Variants in ADAMTS17 observed in about 807,000 individuals in gnomAD.
The protein encoded by ADAMTS17 is ADAM metallopeptidase with thrombospondin type 1 motif 17.
A neutral mutation model predicts 141.5 loss-of-function variants in ADAMTS17; 113 were observed. The ratio of observed to expected loss-of-function variants is 0.80; its 90% CI spans 0.69 to 0.93. The LOEUF is 0.93. Among genes scored for constraint, ADAMTS17 ranks in the 40% least tolerant of loss-of-function variants. The pLI is 0.00. For synonymous variants in ADAMTS17, 768 were observed against 630.6 expected (o/e 1.22, Z -3.27); for missense variants, 1,659 against 1,517.9 (o/e 1.09, Z -1.54).
chr15:100,291,571 G>T (rs775729502), intron 3 of ADAMTS17, among the ~76,000 whole-genome samples: 1 of 151,992 alleles, frequency 6.6e-6, no homozygotes, highest in Non-Finnish European at 1.5e-5. Context: ...ATTCACAATA[G>T]CAAAAACCTG....
chr15:100,175,178 T>C (rs905536828), intron 8 of ADAMTS17, among the ~76,000 whole-genome samples: 3 of 152,358 alleles, frequency 2.0e-5, no homozygotes, highest in Middle Eastern at 3.4e-3. Context: ...CCAGTTCCTA[T>C]GCCTTTTTAA....
intron 15 of ADAMTS17, among the ~76,000 whole-genome samples, chr15:100,061,878 T>C (rs982083420): frequency 6.6e-6 from 1 of 152,196 alleles, no homozygotes; most frequent in Non-Finnish European, 1.5e-5. Flanking sequence ...ACGGAGGGCC[T>C]CCAGTACATT....
In ADAMTS17 at chr15:100,157,836, A is replaced by G. The variant is rs1450059807; in HGVS notation, c.1182-2516T>C. On this transcript the variant is annotated intron_variant, in intron 8 of 21. Coordinates refer to ENST00000268070, the MANE Select transcript of ADAMTS17 (RefSeq NM_139057.4). ...TCTATCCAATTAGGGTTAAAGGAAG[A>G]CTGAAGAAATTATCAGACAAATATG... 3.3e-5 allele frequency among the ~76,000 whole-genome samples: 5 copies of G among 151,938 alleles called. No individual in the cohort carries two copies. The East Asian group carries it at 9.6e-4, about 29-fold the overall frequency.
intron 4 of ADAMTS17, among the ~76,000 whole-genome samples, chr15:100,275,055 G>T (rs965983046): frequency 6.6e-6 from 1 of 152,142 alleles, no homozygotes; most frequent in Non-Finnish European, 1.5e-5. Context: ...GAAAGAGCAG[G>T]CTTTTATGTT....
At chr15:100,310,251 A>G (rs1315426055) in intron 3 of ADAMTS17, among the ~76,000 whole-genome samples, 1 of 152,222 alleles carries the variant, frequency 6.6e-6, no homozygotes, top group African/African-American at 2.4e-5. Flanking sequence ...GGAGACTCCG[A>G]ACCTAAGCTG....
chr15:100,058,260 T>A (rs2032790984), intron 15 of ADAMTS17, among the ~76,000 whole-genome samples: 1 of 28,622 alleles, frequency 3.5e-5, no homozygotes. Context: ...CTATCCCGGC[T>A]CTGACACCCC....
At chr15:100,068,567 G>T (rs957422916) in intron 15 of ADAMTS17, among the ~76,000 whole-genome samples, 1 of 152,210 alleles carries the variant, frequency 6.6e-6, no homozygotes, top group Non-Finnish European at 1.5e-5. Context: ...CCAGAGGAAC[G>T]ATCAGGCAGC....
intron 7 of ADAMTS17, among the ~76,000 whole-genome samples, chr15:100,249,270 G>C (rs1300604032): frequency 6.6e-6 from 1 of 152,232 alleles, no homozygotes; most frequent in African/African-American, 2.4e-5. Flanking sequence ...TGCAAGCCTT[G>C]TGTTTCAATC....
intron 3 of ADAMTS17, among the ~76,000 whole-genome samples, chr15:100,294,862 T>C (rs1410188467): frequency 2.6e-5 from 4 of 152,202 alleles, no homozygotes; most frequent in African/African-American, 9.7e-5. Flanking sequence ...AGCGACATTT[T>C]ACATAGGTGG....
intron 21 of ADAMTS17, among the ~76,000 whole-genome samples, chr15:99,975,669 C>A (rs956419866): frequency 3.9e-5 from 6 of 152,174 alleles, no homozygotes; most frequent in African/African-American, 1.2e-4. Flanking sequence ...TGGGGTGTGC[C>A]CCATGTGTGC....
In ADAMTS17 at chr15:99,976,165, C is replaced by T. The variant is rs2060322831; in HGVS notation, c.3007G>A (p.Val1003Ile). 1.3e-6 allele frequency: 2 copies of T among 1,550,428 alleles called. No individual in the cohort carries two copies. The highest frequency in any genetic ancestry group is 2.0e-5 in the Admixed American group (1 of 50,992). ...QSRVVQCMHK[V>I]TGRHGSECPA... ...CACTCGCTGCCGTGGCGCCCTGTGA[C>T]CTTGTGCATGCACTGCACCACCCGG... Residue 1003 changes from valine (V) to isoleucine (I), a missense_variant, in exon 21 of 22, where the codon GTC becomes ATC. Transcript: ENST00000268070.
At chr15:100,186,647 A>G (rs767937411) in intron 8 of ADAMTS17, among the ~76,000 whole-genome samples, 13 of 152,222 alleles carry the variant, frequency 8.5e-5, no homozygotes, top group Non-Finnish European at 1.5e-4. Context: ...ATAAGCATCC[A>G]TTGAGTAAGG....
At chr15:100,323,690 C>G (rs1026196246) in intron 3 of ADAMTS17, among the ~76,000 whole-genome samples, 5 of 151,860 alleles carry the variant, frequency 3.3e-5, no homozygotes, top group Admixed American at 1.3e-4. Context: ...GCCAGTTCTT[C>G]GAAAAGGTTA....
rs138580469 is a variant in ADAMTS17, at chr15:100,246,825, A to T, written c.1075+7311T>A. On this transcript the variant is annotated intron_variant, in intron 7 of 21. Transcript: ENST00000268070. ...TTTTTCATAAGTTTATTTGCCATCC[A>T]TGTATATGTAAAGTATCTGTTCAAG... Among the ~76,000 whole-genome samples, 760 of 152,098 alleles carry T rather than the reference A, an allele frequency of 5.0e-3. 7 individuals carry two copies. Among genetic ancestry groups the T allele is most frequent in the African/African-American group, 0.017 (724 of 41,488 alleles).
At chr15:100,052,838 T>C (rs2032252731) in intron 16 of ADAMTS17, among the ~76,000 whole-genome samples, 2 of 152,180 alleles carry the variant, frequency 1.3e-5, no homozygotes, top group African/African-American at 4.8e-5. Context: ...GATTTCTACA[T>C]GGTTTGGTTG....
intron 7 of ADAMTS17, among the ~76,000 whole-genome samples, chr15:100,247,107 G>A (rs948698022): frequency 4.0e-5 from 6 of 151,860 alleles, no homozygotes; most frequent in Non-Finnish European, 7.4e-5. Flanking sequence ...GGCTAGTCTC[G>A]AACTCCTGAC....
intron 3 of ADAMTS17, among the ~76,000 whole-genome samples, chr15:100,320,312 A>C (rs1288964941): frequency 6.6e-6 from 1 of 152,234 alleles, no homozygotes; most frequent in Non-Finnish European, 1.5e-5. Flanking sequence ...AGGCTGGGAA[A>C]ATCACGACAA....
intron 6 of ADAMTS17, among the ~76,000 whole-genome samples, chr15:100,256,020 C>T (rs996973397): frequency 6.6e-6 from 1 of 152,224 alleles, no homozygotes; most frequent in Admixed American, 6.5e-5. Context: ...TCGATCCTTC[C>T]TGTTCAAGGT....
At chr15:100,135,304 G>C (rs970591574) in intron 10 of ADAMTS17, among the ~76,000 whole-genome samples, 7 of 142,246 alleles carry the variant, frequency 4.9e-5, no homozygotes, top group African/African-American at 1.5e-4. Context: ...TTTTTTTTGA[G>C]ACAGAGTCTC....
Sources: gnomAD v4.1 joint callset for allele counts (sites outside exome capture counted in the v4.1 genomes callset) on GRCh38, gnomAD v4.1.1 for gene constraint, MANE v1.5 for transcripts, NCBI Gene and HGNC (gene_info 2026-07-23, HGNC 2026-07-21) for gene names.